The following RFWD3 variants were observed in gnomAD, a reference collection of about 807,000 sequenced individuals.
RFWD3 encodes E3 ubiquitin-protein ligase RFWD3.
A neutral mutation model predicts 87.7 loss-of-function variants in RFWD3; 65 were observed. That is an observed-to-expected ratio of 0.74 (90% CI 0.61 to 0.91). The LOEUF is 0.91. Ranked by LOEUF, RFWD3 falls within the 40% of genes least tolerant of loss-of-function variation. The probability of loss-of-function intolerance (pLI) is 0.00; values close to 1 mark genes in which losing one functional copy is unlikely to be tolerated. For missense variants in RFWD3, 1,078 were observed against 938.5 expected, an observed-to-expected ratio of 1.15 and a Z score of -1.94; for synonymous variants, 433 against 352.8, an observed-to-expected ratio of 1.23 and a Z score of -2.55.
chr16:74,637,824 A>T (rs372178471), intron 7 of RFWD3, 32 bp downstream of exon 7: 100 of 1,525,850 alleles, frequency 6.6e-5, no homozygotes, highest in Non-Finnish European at 9.1e-5. Flanking sequence ...TCCTATTCCA[A>T]AAGTTCTTTG....
At chr16:74,652,393 T>C (rs372197948) in intron 2 of RFWD3, among the ~76,000 whole-genome samples, 13 of 152,116 alleles carry the variant, frequency 8.5e-5, no homozygotes, top group African/African-American at 2.7e-4. Flanking sequence ...TCTGGCCATA[T>C]TGTCAGTATC....
intron 2 of RFWD3, among the ~76,000 whole-genome samples, chr16:74,655,732 C>A (rs1300312019): frequency 2.0e-5 from 3 of 151,486 alleles, no homozygotes; most frequent in Non-Finnish European, 4.4e-5. Context: ...ACCGTGTTAG[C>A]CAGGATGGTC....
At chr16:74,656,438 T>C (rs1321075086) in intron 2 of RFWD3, among the ~76,000 whole-genome samples, 1 of 152,108 alleles carries the variant, frequency 6.6e-6, no homozygotes, top group Non-Finnish European at 1.5e-5. Flanking sequence ...ATTCCTCTAA[T>C]GGATCTGGAC....
At chr16:74,631,138 A>G (rs773544480) in intron 9 of RFWD3, among the ~76,000 whole-genome samples, 181 bp from the exon 10 acceptor site, 22 of 152,096 alleles carry the variant, frequency 1.4e-4, no homozygotes, top group Non-Finnish European at 1.8e-4. Context: ...ATTCCATAAC[A>G]TTTGTTTTGG....
intron 3 of RFWD3, among the ~76,000 whole-genome samples, chr16:74,651,392 T>TG (rs1420689321): frequency 6.6e-6 from 1 of 152,042 alleles, no homozygotes; most frequent in Non-Finnish European, 1.5e-5. Context: ...CTGAGGTAGG[T>TG]GGATCTCTTG....
rs557035215 is a variant in RFWD3 at position 74,637,835 on chromosome 16, G to C, written c.1194+21C>G. 1.9e-6 allele frequency: 3 copies of C among 1,569,004 alleles called. No homozygotes were observed. The South Asian group carries it at 3.4e-5, about 18-fold the overall frequency. On this transcript the variant is annotated intron_variant, in intron 7 of 12. Transcript: ENST00000361070. ...CCATTCCTATTCCAAAAGTTCTTTG[G>C]ATTAGAAAGGACAAACGTACCTGAA...
intron 2 of RFWD3, among the ~76,000 whole-genome samples, chr16:74,653,158 G>C (rs1399057919): frequency 1.3e-5 from 2 of 152,108 alleles, no homozygotes; most frequent in Non-Finnish European, 1.5e-5. Flanking sequence ...GATTAACATG[G>C]TGAAACCCCA....
chr16:74,656,484 CTTT>C (rs890744411), intron 2 of RFWD3, among the ~76,000 whole-genome samples: 2 of 150,990 alleles, frequency 1.3e-5, no homozygotes, highest in Non-Finnish European at 3.0e-5. Flanking sequence ...ATCCACCATT[CTTT>C]TTTTTTCTTT....
intron 9 of RFWD3, 46 bp from the exon 10 acceptor site, chr16:74,631,003 A>G (rs1429159668): frequency 1.3e-6 from 2 of 1,491,850 alleles, no homozygotes; most frequent in African/African-American, 2.8e-5. Context: ...AGAAAATCAA[A>G]TACATGACAA....
At chr16:74,658,955 G>C (rs1254060446) in intron 2 of RFWD3, among the ~76,000 whole-genome samples, 1 of 152,018 alleles carries the variant, frequency 6.6e-6, no homozygotes, top group African/African-American at 2.4e-5. Flanking sequence ...TTTTAGTAGA[G>C]ATGGGGTTTC....
chr16:74,628,973 G>A (rs1304329246), intron 10 of RFWD3, among the ~76,000 whole-genome samples: 2 of 151,490 alleles, frequency 1.3e-5, no homozygotes, highest in South Asian at 2.1e-4. Flanking sequence ...GAAGCTTCTG[G>A]AAATGGGTTT....
At chr16:74,652,883 G>A (rs1308669174) in intron 2 of RFWD3, among the ~76,000 whole-genome samples, 1 of 152,162 alleles carries the variant, frequency 6.6e-6, no homozygotes, top group Non-Finnish European at 1.5e-5. Flanking sequence ...GTCTTACAAT[G>A]TTGGCCAAGC....
chr16:74,630,191 G>T (rs779686080), intron 10 of RFWD3, among the ~76,000 whole-genome samples: 2 of 152,142 alleles, frequency 1.3e-5, no homozygotes, highest in Non-Finnish European at 2.9e-5. Context: ...CGCCTCCGAG[G>T]CTCAATAGAT....
intron 4 of RFWD3, among the ~76,000 whole-genome samples, 157 bp from the exon 5 acceptor site, chr16:74,644,892 C>G (rs1294606001): frequency 6.6e-6 from 1 of 152,208 alleles, no homozygotes; most frequent in Non-Finnish European, 1.5e-5. Context: ...GTCATTCTTT[C>G]TAGAATGCAA....
At chr16:74,636,722 T>G (rs983783748) in intron 7 of RFWD3, 145 bp from the exon 8 acceptor site, 9 of 685,072 alleles carry the variant, frequency 1.3e-5, no homozygotes, top group African/African-American at 1.3e-4. Context: ...GAGTTTTTGT[T>G]TTTTTTTTTA....
chr16:74,636,032 G>T (rs904923858), intron 8 of RFWD3, among the ~76,000 whole-genome samples: 3 of 152,158 alleles, frequency 2.0e-5, no homozygotes, highest in African/African-American at 7.2e-5. Context: ...AACATTTCCA[G>T]TCTAAAATGC....
chr16:74,660,448 G>A (rs184089737), intron 2 of RFWD3, among the ~76,000 whole-genome samples: 97 of 152,258 alleles, frequency 6.4e-4, no homozygotes, highest in African/African-American at 2.2e-3. Flanking sequence ...GTGAGACGCT[G>A]TCTCAAAAAC....
intron 12 of RFWD3, among the ~76,000 whole-genome samples, chr16:74,624,989 AAAAC>A (rs1044898621): frequency 9.2e-5 from 14 of 152,018 alleles, no homozygotes; most frequent in East Asian, 1.9e-4. Context: ...CTGTCACTTA[AAAAC>A]AAACAAACAA....
intron 3 of RFWD3, among the ~76,000 whole-genome samples, chr16:74,650,401 A>G (rs1450275597): frequency 6.8e-6 from 1 of 146,306 alleles, no homozygotes; most frequent in Non-Finnish European, 1.5e-5. Flanking sequence ...GTGTGTGTGT[A>G]TACAGTACTT....
Sources: gnomAD v4.1 joint callset for allele counts (sites outside exome capture counted in the v4.1 genomes callset) on GRCh38, gnomAD v4.1.1 for gene constraint, MANE v1.5 for transcripts, NCBI Gene and HGNC (gene_info 2026-07-23, HGNC 2026-07-21) for gene names.